Variants in PPM1L observed in about 807,000 individuals in gnomAD.
PPM1L encodes the protein protein phosphatase, Mg2+/Mn2+ dependent 1L.
Under a neutral mutation model 31.4 loss-of-function variants are expected in PPM1L, and 13 were observed. That is an observed-to-expected ratio of 0.41 (90% confidence interval 0.27 to 0.66). The LOEUF is 0.66. Ranked by LOEUF, PPM1L falls within the 30% of genes least tolerant of loss-of-function variation. The probability of loss-of-function intolerance (pLI) is 0.29; values close to 1 mark genes in which losing one functional copy is unlikely to be tolerated. For synonymous variants in PPM1L, 184 were observed against 175.4 expected, an observed-to-expected ratio of 1.05 and a Z score of -0.39; for missense variants, 326 against 453.7, an observed-to-expected ratio of 0.72 and a Z score of 2.56.
At chr3:160,911,079 C>CT (rs1365615113) in intron 1 of PPM1L, among the ~76,000 whole-genome samples, 1 of 152,132 alleles carries the variant, frequency 6.6e-6, no homozygotes, top group East Asian at 1.9e-4. Flanking sequence ...ATGTGTGATG[C>CT]TTTGGGTATC....
chr3:160,980,023 A>G (rs892037182), intron 2 of PPM1L, among the ~76,000 whole-genome samples: 1 of 151,958 alleles, frequency 6.6e-6, no homozygotes, highest in Non-Finnish European at 1.5e-5. Context: ...TAGCCTTTCT[A>G]CCCTGGGCCA....
At chr3:160,991,890 A>C (rs553779164) in intron 2 of PPM1L, among the ~76,000 whole-genome samples, 1 of 152,228 alleles carries the variant, frequency 6.6e-6, no homozygotes, top group Non-Finnish European at 1.5e-5. Flanking sequence ...AGGTAACATA[A>C]TAATAACTAA....
intron 1 of PPM1L, among the ~76,000 whole-genome samples, chr3:160,808,383 CTGTGTGTG>C (rs71912617): frequency 1.5e-4 from 16 of 110,308 alleles, no homozygotes; most frequent in Non-Finnish European, 7.7e-5. Context: ...CAGGATTTTC[CTGTGTGTG>C]TGTGTGTGTG....
rs1286802831 is a variant in PPM1L at position 161,071,598 on chromosome 3, C to G, written c.*2441C>G. The G allele has an allele frequency of 6.6e-6, 1 of 152,188 alleles. No homozygotes were observed. Among genetic ancestry groups the G allele is most frequent in the Non-Finnish European group, 1.5e-5 (1 of 68,044 alleles). 9.4% of individuals were successfully genotyped at this position (152,188 alleles called of 1,614,324 possible). A position where few individuals can be genotyped will look rare whatever the true frequency, so the allele number is the denominator to read the frequency against. On this transcript the variant is annotated 3_prime_UTR_variant, in exon 4 of 4. Transcript: ENST00000498165. ...CTACTCCCATTACTGCCTCTTTCCC[C>G]CCTACTATGGCTTGTAGATTTTCAA... is the stretch of plus-strand genomic sequence containing the variant.
intron 2 of PPM1L, among the ~76,000 whole-genome samples, chr3:161,055,238 A>C (rs1719380476): frequency 6.6e-6 from 1 of 152,170 alleles, no homozygotes; most frequent in South Asian, 2.1e-4. Flanking sequence ...TATTAGAAGA[A>C]AGACTCGTAA....
chr3:160,786,153 CTCTCTGTGTGTG>C (rs1481722041), intron 1 of PPM1L, among the ~76,000 whole-genome samples: 11 of 74,172 alleles, frequency 1.5e-4, no homozygotes, highest in African/African-American at 1.2e-3. Flanking sequence ...CTCTCTCTCT[CTCTCTGTGTGTG>C]TGTGTGTGTG....
chr3:161,024,121 C>T (rs532775168), intron 2 of PPM1L, among the ~76,000 whole-genome samples: 56 of 151,808 alleles, frequency 3.7e-4, no homozygotes, highest in Non-Finnish European at 5.7e-4. Flanking sequence ...CAAAATTAGC[C>T]GGACATGGTG....
chr3:161,054,666 C>A (rs1192641544), intron 2 of PPM1L, among the ~76,000 whole-genome samples: 1 of 152,144 alleles, frequency 6.6e-6, no homozygotes, highest in Non-Finnish European at 1.5e-5. Context: ...CTACCCCTTA[C>A]TAGCTGTGTG....
intron 1 of PPM1L, among the ~76,000 whole-genome samples, chr3:160,943,208 G>A (rs1038546532): frequency 4.6e-5 from 7 of 152,156 alleles, no homozygotes; most frequent in Non-Finnish European, 1.0e-4. Flanking sequence ...CTCATATGCA[G>A]GAGACATGCA....
At chr3:160,984,033 C>T (rs900173521) in intron 2 of PPM1L, among the ~76,000 whole-genome samples, 1 of 152,074 alleles carries the variant, frequency 6.6e-6, no homozygotes, top group Non-Finnish European at 1.5e-5. Flanking sequence ...CTTCCGTGTC[C>T]CGCTGTGTAT....
In PPM1L at chr3:160,821,993, A is replaced by G. The variant is rs568022093; in HGVS notation, c.399+65286A>G. On this transcript the variant is annotated intron_variant, in intron 1 of 3. Coordinates refer to ENST00000498165, the MANE Select transcript of PPM1L (RefSeq NM_139245.4). ...AAGAGGCAAAGGTGGGATCAGAACT[A>G]AGGTCTTCTGGTTGCAAAGCCTGTA... Among the ~76,000 whole-genome samples the G allele has an allele frequency of 1.4e-4, 21 of 152,178 alleles. No individual in the cohort carries two copies. In the South Asian group the frequency reaches 3.5e-3, roughly 26 times the overall value.
At chr3:160,789,512 C>G (rs1712036000) in intron 1 of PPM1L, among the ~76,000 whole-genome samples, 1 of 151,532 alleles carries the variant, frequency 6.6e-6, no homozygotes, top group Non-Finnish European at 1.5e-5. Flanking sequence ...TTATTTTATT[C>G]CCAAGCTTAC....
intron 2 of PPM1L, among the ~76,000 whole-genome samples, chr3:161,053,010 C>T (rs930727387): frequency 2.6e-5 from 4 of 152,054 alleles, no homozygotes; most frequent in African/African-American, 7.3e-5. Context: ...AAGCAGAGAC[C>T]GTAGTTATAA....
intron 1 of PPM1L, among the ~76,000 whole-genome samples, chr3:160,950,946 A>G (rs1043176684): frequency 4.6e-5 from 7 of 152,242 alleles, no homozygotes; most frequent in African/African-American, 1.7e-4. Context: ...AAGATTCAGA[A>G]AGGGAAGGGA....
chr3:160,954,327 T>C (rs1269281101), intron 1 of PPM1L, among the ~76,000 whole-genome samples: 1 of 150,626 alleles, frequency 6.6e-6, no homozygotes, highest in African/African-American at 2.5e-5. Flanking sequence ...AATTCACCCT[T>C]TTTTTTTTCC....
chr3:160,858,531 T>G (rs935740789), intron 1 of PPM1L, among the ~76,000 whole-genome samples: 1 of 152,194 alleles, frequency 6.6e-6, no homozygotes, highest in Non-Finnish European at 1.5e-5. Context: ...TCACTTCAAG[T>G]GCAGTGAATC....
At chr3:161,037,146 G>A (rs960849769) in intron 2 of PPM1L, among the ~76,000 whole-genome samples, 6 of 152,168 alleles carry the variant, frequency 3.9e-5, no homozygotes, top group Non-Finnish European at 1.5e-5. Context: ...AGTGCAGGGA[G>A]GACTTTATGA....
chr3:160,929,820 C>T (rs1224244522), intron 1 of PPM1L, among the ~76,000 whole-genome samples: 4 of 152,218 alleles, frequency 2.6e-5, no homozygotes, highest in Admixed American at 2.0e-4. Flanking sequence ...TGATCCTGGA[C>T]AGACAAGCAC....
chr3:161,016,294 C>T (rs765266940), intron 2 of PPM1L, among the ~76,000 whole-genome samples: 7 of 152,206 alleles, frequency 4.6e-5, no homozygotes, highest in Non-Finnish European at 7.3e-5. Flanking sequence ...TTATTCATTT[C>T]TGTCATATTG....
Sources: gnomAD v4.1 joint callset for allele counts (sites outside exome capture counted in the v4.1 genomes callset) on GRCh38, gnomAD v4.1.1 for gene constraint, MANE v1.5 for transcripts, NCBI Gene and HGNC (gene_info 2026-07-23, HGNC 2026-07-21) for gene names.